The following C10orf90 variants were observed in gnomAD, a reference collection of about 807,000 sequenced individuals.
C10orf90 encodes (E2-independent) E3 ubiquitin-conjugating enzyme FATS.
Under a neutral mutation model 62.5 loss-of-function variants are expected in C10orf90, and 56 were observed. The observed-to-expected ratio is 0.90, with a 90% CI of 0.72 to 1.12. C10orf90 has a LOEUF of 1.12. Ranked by LOEUF, C10orf90 falls within the 50% of genes most tolerant of loss-of-function variation. C10orf90 has a pLI of 0.00. For synonymous variants in C10orf90, 386 were observed against 340.4 expected (o/e 1.13, Z -1.47); for missense variants, 970 against 880.4 (o/e 1.10, Z -1.29).
intron 2 of C10orf90, among the ~76,000 whole-genome samples, chr10:126,564,753 G>A (rs1288664934): frequency 2.3e-5 from 3 of 132,914 alleles, no homozygotes; most frequent in Non-Finnish European, 4.6e-5. Context: ...CCACCCTCCT[G>A]AAGGCGTCCA....
At chr10:126,527,762 T>C (rs546901712) in intron 2 of C10orf90, among the ~76,000 whole-genome samples, 2 of 152,320 alleles carry the variant, frequency 1.3e-5, no homozygotes, top group South Asian at 2.1e-4. Flanking sequence ...AGAAAGCCCT[T>C]AGCACGCTGC....
intron 2 of C10orf90, among the ~76,000 whole-genome samples, chr10:126,611,044 A>G (rs1007036191): frequency 6.6e-6 from 1 of 152,164 alleles, no homozygotes; most frequent in Non-Finnish European, 1.5e-5. Flanking sequence ...AATGGTTTTT[A>G]AGTATATTCT....
rs144578571 is a variant in C10orf90 at position 126,544,905 on chromosome 10, C to T, written c.314-30966G>A. ...CTATTCCCCTTCCTATTGATTGGCA[C>T]CAGTAGGGTGACAAATGTTGAAGCC... On this transcript the variant is annotated intron_variant, in intron 2 of 9. Transcript: ENST00000488181. Among the ~76,000 whole-genome samples the T allele has an allele frequency of 7.9e-5, 12 of 152,236 alleles. No individual in the cohort carries two copies. In the East Asian group the frequency reaches 1.9e-3, roughly 25 times the overall value.
intron 2 of C10orf90, among the ~76,000 whole-genome samples, chr10:126,602,079 G>T (rs1194996222): frequency 1.3e-5 from 2 of 152,170 alleles, no homozygotes; most frequent in Non-Finnish European, 2.9e-5. Flanking sequence ...TCTTACATGA[G>T]CGCACAGTCT....
At chr10:126,553,852 G>A (rs908308051) in intron 2 of C10orf90, among the ~76,000 whole-genome samples, 2 of 152,114 alleles carry the variant, frequency 1.3e-5, no homozygotes, top group African/African-American at 4.8e-5. Flanking sequence ...TAAAATGTTT[G>A]ACAATATCAA....
At chr10:126,505,209 G>A in intron 3 of C10orf90, 124 bp from the exon 4 acceptor site, 1 of 969,870 alleles carries the variant, frequency 1.0e-6, no homozygotes, top group South Asian at 1.8e-5. Context: ...TCTTGTCCAA[G>A]GCTTTTTACT....
intron 2 of C10orf90, among the ~76,000 whole-genome samples, chr10:126,639,193 G>A (rs1846012199): frequency 6.6e-6 from 1 of 152,144 alleles, no homozygotes; most frequent in African/African-American, 2.4e-5. Flanking sequence ...ACCTATTTCT[G>A]TGGTAGGCTT....
chr10:126,521,486 C>T, intron 2 of C10orf90: 1 of 1,447,082 alleles, frequency 6.9e-7, no homozygotes, highest in Non-Finnish European at 9.0e-7. Context: ...AACCTCAAAG[C>T]TCTATATGTA....
At chr10:126,623,071 C>T (rs1022257828) in intron 2 of C10orf90, among the ~76,000 whole-genome samples, 1 of 152,186 alleles carries the variant, frequency 6.6e-6, no homozygotes, top group Non-Finnish European at 1.5e-5. Flanking sequence ...GGCCCCGACC[C>T]TGCCTGGCCA....
At chr10:126,440,813 C>T (rs1858260144) in intron 7 of C10orf90, among the ~76,000 whole-genome samples, 1 of 152,112 alleles carries the variant, frequency 6.6e-6, no homozygotes, top group African/African-American at 2.4e-5. Context: ...GCTCAGCGCT[C>T]AGGAAGCCAC....
rs530663241 is a variant in C10orf90 at position 126,494,001 on chromosome 10, G to A, written c.1534+9956C>T. Among the ~76,000 whole-genome samples the A allele has an allele frequency of 2.4e-4, 36 of 152,240 alleles. No homozygotes were observed. The South Asian group carries it at 4.6e-3, about 19-fold the overall frequency. On this transcript the variant is annotated intron_variant, in intron 4 of 9. Transcript: ENST00000488181. ...TCACAGCTTTTTTGGCTCTAATTTC[G>A]GAACTGCAGTGGTCCACGTGCTCTT...
At chr10:126,663,506 T>G (rs955638544) in intron 1 of C10orf90, among the ~76,000 whole-genome samples, 3 of 152,228 alleles carry the variant, frequency 2.0e-5, no homozygotes, top group Non-Finnish European at 4.4e-5. Flanking sequence ...CTCACACAGC[T>G]GTGGTGAGCT....
At chr10:126,545,083 C>G (rs776781519) in intron 2 of C10orf90, among the ~76,000 whole-genome samples, 3 of 152,140 alleles carry the variant, frequency 2.0e-5, no homozygotes, top group Admixed American at 6.5e-5. Flanking sequence ...ACAGCTTAGC[C>G]AAAGTCATGC....
chr10:126,434,222 G>A (rs951618740), intron 7 of C10orf90, among the ~76,000 whole-genome samples: 1 of 152,130 alleles, frequency 6.6e-6, no homozygotes, highest in Non-Finnish European at 1.5e-5. Flanking sequence ...ACACATGTGG[G>A]TGTTTATTGT....
intron 2 of C10orf90, among the ~76,000 whole-genome samples, chr10:126,566,799 G>C (rs115682113): frequency 1.3e-5 from 2 of 152,156 alleles, no homozygotes; most frequent in Non-Finnish European, 2.9e-5. Flanking sequence ...CGGAGGCAGC[G>C]AGACCAGTTA....
intron 2 of C10orf90, among the ~76,000 whole-genome samples, chr10:126,562,020 G>A (rs1004813613): frequency 2.0e-5 from 3 of 152,208 alleles, no homozygotes; most frequent in African/African-American, 7.2e-5. Flanking sequence ...CACCTCAGCT[G>A]GAGAGTCCTG....
intron 4 of C10orf90, among the ~76,000 whole-genome samples, chr10:126,465,653 T>C (rs1049916099): frequency 6.6e-6 from 1 of 152,186 alleles, no homozygotes. Context: ...TCAACGTGCA[T>C]AGCTCTAATA....
chr10:126,510,831 T>C (rs1286229937), intron 3 of C10orf90, among the ~76,000 whole-genome samples: 1 of 152,256 alleles, frequency 6.6e-6, no homozygotes. Context: ...TTTCATAAAT[T>C]GAAGCCAGAA....
chr10:126,507,229 C>T (rs571910799), intron 3 of C10orf90, among the ~76,000 whole-genome samples: 6 of 151,424 alleles, frequency 4.0e-5, no homozygotes, highest in South Asian at 2.1e-4. Context: ...TGGTGGCAGG[C>T]GCCTGTAGTC....
Sources: allele counts gnomAD v4.1 joint callset (sites outside exome capture counted in the v4.1 genomes callset), GRCh38; gene constraint gnomAD v4.1.1; transcripts MANE v1.5; gene names NCBI Gene and HGNC (gene_info 2026-07-23, HGNC 2026-07-21).